Variants in CD96 observed in about 807,000 individuals in gnomAD.
CD96 encodes the protein T-cell surface protein tactile.
Under a neutral mutation model 71.3 loss-of-function variants are expected in CD96, and 70 were observed. The observed-to-expected ratio is 0.98, with a 90% CI of 0.81 to 1.20. CD96 has a LOEUF of 1.20. CD96 is among the 50% of genes most tolerant of loss of function. The pLI is 0.00. For missense variants in CD96, 742 were observed against 677.5 expected, an observed-to-expected ratio of 1.10 and a Z score of -1.06; for synonymous variants, 248 against 233.0, an observed-to-expected ratio of 1.06 and a Z score of -0.59.
chr3:111,611,757 A>G (rs377523279), intron 8 of CD96, among the ~76,000 whole-genome samples: 1 of 152,370 alleles, frequency 6.6e-6, no homozygotes, highest in Non-Finnish European at 1.5e-5. Flanking sequence ...CATTCGCATC[A>G]TAAGCAAAGG....
chr3:111,622,126 T>C (rs1338298991), intron 8 of CD96, among the ~76,000 whole-genome samples: 2 of 152,194 alleles, frequency 1.3e-5, no homozygotes, highest in Non-Finnish European at 2.9e-5. Flanking sequence ...TATCACACTC[T>C]GTATTTCTGA....
chr3:111,554,965 G>C (rs183471458), intron 2 of CD96, among the ~76,000 whole-genome samples: 1 of 152,074 alleles, frequency 6.6e-6, no homozygotes, highest in Admixed American at 6.6e-5. Context: ...CCTCAAATGT[G>C]TAATTCACAA....
intron 8 of CD96, among the ~76,000 whole-genome samples, chr3:111,615,878 A>G (rs563182013): frequency 6.6e-6 from 1 of 152,268 alleles, no homozygotes; most frequent in East Asian, 1.9e-4. Flanking sequence ...CTAGCCTCCT[A>G]GCTGTTTCTT....
chr3:111,595,924 G>A (rs1379925050), intron 5 of CD96, among the ~76,000 whole-genome samples: 1 of 152,070 alleles, frequency 6.6e-6, no homozygotes, highest in Non-Finnish European at 1.5e-5. Context: ...CACTTTGGGA[G>A]GCCGAGGCAG....
rs1303570749 is a variant in CD96, at chr3:111,600,724, A to G, written c.899-2A>G. 3.7e-6 allele frequency: 6 copies of G among 1,605,652 alleles called. No individual in the cohort carries two copies. The highest frequency in any genetic ancestry group is 5.1e-6 in the Non-Finnish European group (6 of 1,172,330). On this transcript the variant is annotated splice_acceptor_variant, in intron 6 of 13. Transcript: ENST00000352690. LOFTEE classifies it high-confidence loss of function. The stretch of plus-strand genomic sequence containing the variant: ...TGAACCATGTTCGTATCTGTCTGGC[A>G]GGAATATATATTACTAATGAAGAGA...
chr3:111,563,602 C>T (rs1248275370), intron 2 of CD96, among the ~76,000 whole-genome samples: 2 of 152,084 alleles, frequency 1.3e-5, no homozygotes, highest in African/African-American at 4.8e-5. Context: ...TTTTTTTAAA[C>T]ACATTTCCCC....
intron 3 of CD96, chr3:111,577,391 C>A: frequency 1.2e-6 from 1 of 806,458 alleles, no homozygotes; most frequent in Non-Finnish European, 2.3e-6. Context: ...TGCTGAGTGA[C>A]ATGCTCTCCA....
At chr3:111,662,437 C>G (rs1940381726) in intron 14 of CD96, among the ~76,000 whole-genome samples, 1 of 152,202 alleles carries the variant, frequency 6.6e-6, no homozygotes. Context: ...TTCTTTTCTA[C>G]CACATGGTTG....
intron 2 of CD96, among the ~76,000 whole-genome samples, chr3:111,552,340 C>T (rs190139867): frequency 7.2e-5 from 11 of 152,116 alleles, no homozygotes; most frequent in South Asian, 2.1e-4. Flanking sequence ...TTCCTCCCTC[C>T]GAGGATGCAG....
At chr3:111,585,978 G>A (rs1187257945) in intron 5 of CD96, among the ~76,000 whole-genome samples, 4 of 152,124 alleles carry the variant, frequency 2.6e-5, no homozygotes, top group African/African-American at 9.7e-5. Context: ...TCTTTCTCTT[G>A]CGAGCTGTGA....
downstream of CD96, among the ~76,000 whole-genome samples, chr3:111,653,131 T>C (rs1411161934): frequency 6.6e-6 from 1 of 152,162 alleles, no homozygotes; most frequent in South Asian, 2.1e-4. Context: ...TGAAAAGTAC[T>C]TCTATGATTG....
At chr3:111,584,778 A>C (rs1936630575) in intron 4 of CD96, among the ~76,000 whole-genome samples, 1 of 152,146 alleles carries the variant, frequency 6.6e-6, no homozygotes, top group Non-Finnish European at 1.5e-5. Flanking sequence ...ATTCTGGGAG[A>C]TACAATTCAA....
rs773681312 is a variant in CD96 at position 111,542,267 on chromosome 3, T to C, written c.19T>C (p.Tyr7His). The C allele has an allele frequency of 6.2e-7, 1 of 1,613,640 alleles. No homozygotes were observed. The highest frequency in any genetic ancestry group is 1.1e-5 in the South Asian group (1 of 91,050). Residue 7 changes from tyrosine to histidine, a missense_variant, in exon 1 of 14, where the codon TAC becomes CAC. Coordinates refer to ENST00000352690, the MANE Select transcript of CD96 (RefSeq NM_005816.5). ...GAAGACAATGGAGAAAAAATGGAAA[T>C]ACTGTGCTGTCTATTACATCATCCA... MEKKWK[Y>H]CAVYYIIQIH...
rs201268392 is a variant in CD96 at position 111,637,204 on chromosome 3, C to T, written c.1330C>T (p.Arg444Trp). Residue 444 changes from arginine to tryptophan, a missense_variant, in exon 11 of 14, where the codon CGG becomes TGG. Arg to Trp is a moderately radical substitution (Grantham distance 101). Coordinates refer to ENST00000352690, the MANE Select transcript of CD96 (RefSeq NM_005816.5). The stretch of plus-strand genomic sequence containing the variant: ...ATATCTTCTTCCTTTAGCAGTTTCA[C>T]GGATACCTAGTGAAACATACAGTTC... ...SGTDTKKSVS[R>W]IPSETYSSSP... The T allele has an allele frequency of 2.8e-5, 44 of 1,566,574 alleles. No homozygotes were observed. The highest frequency in any genetic ancestry group is 6.7e-5 in the East Asian group (3 of 44,664).
chr3:111,555,742 G>T (rs1267761257), intron 2 of CD96, among the ~76,000 whole-genome samples: 3 of 152,282 alleles, frequency 2.0e-5, no homozygotes, highest in Admixed American at 6.5e-5. Context: ...CTTTGTGTTT[G>T]TCCTATTCAG....
intron 10 of CD96, among the ~76,000 whole-genome samples, chr3:111,631,664 A>G (rs1464019787): frequency 6.6e-6 from 1 of 152,150 alleles, no homozygotes; most frequent in African/African-American, 2.4e-5. Context: ...GAGCCCAAAT[A>G]GCCAAGGCAA....
At chr3:111,610,702 C>G (rs1937878394) in intron 8 of CD96, among the ~76,000 whole-genome samples, 1 of 152,162 alleles carries the variant, frequency 6.6e-6, no homozygotes, top group African/African-American at 2.4e-5. Context: ...GACAGGCTGA[C>G]AAGCTAAGTG....
chr3:111,551,675 C>T (rs914977405), intron 2 of CD96, among the ~76,000 whole-genome samples: 4 of 152,028 alleles, frequency 2.6e-5, no homozygotes, highest in Admixed American at 2.0e-4. Context: ...AGGTATTAAG[C>T]CCAGCATCCA....
At chr3:111,587,755 C>T (rs1002868817) in intron 5 of CD96, among the ~76,000 whole-genome samples, 26 of 152,202 alleles carry the variant, frequency 1.7e-4, no homozygotes, top group African/African-American at 6.3e-4. Flanking sequence ...CTTCTGTGCA[C>T]CTACAGGCTG....
Sources: allele counts gnomAD v4.1 joint callset (sites outside exome capture counted in the v4.1 genomes callset), GRCh38; gene constraint gnomAD v4.1.1; transcripts MANE v1.5; gene names NCBI Gene and HGNC (gene_info 2026-07-23, HGNC 2026-07-21).